C12orf54: variants seen among roughly 807,000 people sequenced by gnomAD.
C12orf54 encodes chromosome 12 open reading frame 54.
In C12orf54, 24 loss-of-function variants were observed where a neutral mutation model predicts 26.4. The observed-to-expected ratio is 0.91, with a 90% CI of 0.66 to 1.28. C12orf54 has a LOEUF of 1.28. Ranked by LOEUF, C12orf54 falls within the 50% of genes most tolerant of loss-of-function variation. The pLI is 0.00. For synonymous variants in C12orf54, 54 were observed against 47.0 expected, an observed-to-expected ratio of 1.15 and a Z score of -0.61; for missense variants, 154 against 150.9, an observed-to-expected ratio of 1.02 and a Z score of -0.11.
At chr12:48,493,712 T>TAATGAAAGTTAATTTTAAAAAAGAAAAAA (rs1937844843) in intron 7 of C12orf54, among the ~76,000 whole-genome samples, 1 of 149,770 alleles carries the variant, frequency 6.7e-6, no homozygotes, top group Non-Finnish European at 1.5e-5. Context: ...AAAAGAAAAT[T>TAATGAAAGTTAATTTTAAAAAAGAAAAAA]AACAAAAGTT....
chr12:48,433,825 C>A, the C12orf54 span, among the ~76,000 whole-genome samples: 1 of 152,162 alleles, frequency 6.6e-6, no homozygotes, highest in African/African-American at 2.4e-5. Context: ...GCCTACAGCT[C>A]CCAGCGTGAG....
chr12:48,415,023 C>T, the C12orf54 span, among the ~76,000 whole-genome samples: 1 of 152,166 alleles, frequency 6.6e-6, no homozygotes, highest in Admixed American at 6.5e-5. Context: ...AATACATGAG[C>T]CCCATTCAGC....
At chr12:48,447,480 T>C in the C12orf54 span, among the ~76,000 whole-genome samples, 1 of 152,224 alleles carries the variant, frequency 6.6e-6, no homozygotes, top group African/African-American at 2.4e-5. Flanking sequence ...AGATAGATTA[T>C]TCTGCTTCCT....
chr12:48,427,067 TTA>T, the C12orf54 span, among the ~76,000 whole-genome samples: 2 of 152,172 alleles, frequency 1.3e-5, no homozygotes, highest in African/African-American at 4.8e-5. Flanking sequence ...TGGATGCCCT[TTA>T]TTTCTTTCTC....
At chr12:48,462,202 T>G in the C12orf54 span, among the ~76,000 whole-genome samples, 1 of 151,602 alleles carries the variant, frequency 6.6e-6, no homozygotes, top group Admixed American at 6.6e-5. Flanking sequence ...CAAGAAGAAA[T>G]AGATAACTTG....
chr12:48,466,020 G>A, the C12orf54 span, among the ~76,000 whole-genome samples: 27 of 152,198 alleles, frequency 1.8e-4, no homozygotes, highest in Non-Finnish European at 2.9e-4. Context: ...AACACTTGGC[G>A]ACCTTGGGAT....
chr12:48,488,494 AAG>A (rs2137091071), intron 4 of C12orf54: 6 of 380,762 alleles, frequency 1.6e-5, no homozygotes, highest in Admixed American at 3.8e-5. Flanking sequence ...AAAAAAAAAA[AAG>A]AAAGAAAGAA....
the C12orf54 span, among the ~76,000 whole-genome samples, chr12:48,447,309 T>G: frequency 1.3e-5 from 2 of 151,892 alleles, no homozygotes; most frequent in East Asian, 3.9e-4. Flanking sequence ...GAAGTGGCTA[T>G]ACCTTGATCT....
chr12:48,473,096 T>A, the C12orf54 span: 1 of 1,613,678 alleles, frequency 6.2e-7, no homozygotes, highest in South Asian at 1.1e-5. Flanking sequence ...AACTCACATA[T>A]CTCAACGGCT....
chr12:48,478,675 G>C (rs1400267190), upstream of C12orf54, among the ~76,000 whole-genome samples: 1 of 152,002 alleles, frequency 6.6e-6, no homozygotes, highest in Non-Finnish European at 1.5e-5. Context: ...AAAATACCTA[G>C]GAATCCAACT....
chr12:48,415,577 T>C, the C12orf54 span, among the ~76,000 whole-genome samples: 1 of 152,204 alleles, frequency 6.6e-6, no homozygotes, highest in African/African-American at 2.4e-5. Context: ...TCCTCCTTGT[T>C]CAATGGCTGC....
chr12:48,443,536 C>G, the C12orf54 span, among the ~76,000 whole-genome samples: 1 of 152,230 alleles, frequency 6.6e-6, no homozygotes, highest in African/African-American at 2.4e-5. Flanking sequence ...GGGAAATAAT[C>G]AGAGAGAAGG....
At chr12:48,490,967 G>A (rs1245263945) in intron 6 of C12orf54, 131 bp downstream of exon 6, 1 of 1,144,550 alleles carries the variant, frequency 8.7e-7, no homozygotes, top group African/African-American at 1.5e-5. Flanking sequence ...TCATCCCAAA[G>A]TCTCACCCTA....
chr12:48,494,214 T>C (rs2705131), intron 7 of C12orf54, among the ~76,000 whole-genome samples: 30,662 of 151,630 alleles, frequency 0.2, 3,406 homozygotes, highest in South Asian at 0.3. Context: ...AGTGAAACTC[T>C]GTCTCAAAAA....
intron 7 of C12orf54, 49 bp downstream of exon 7, chr12:48,493,044 G>A: frequency 2.0e-6 from 3 of 1,509,042 alleles, no homozygotes; most frequent in Middle Eastern, 1.7e-4. Flanking sequence ...CACCCACCTG[G>A]ATATGGGTGT....
chr12:48,426,797 C>A, the C12orf54 span, among the ~76,000 whole-genome samples: 1 of 152,082 alleles, frequency 6.6e-6, no homozygotes, highest in Admixed American at 6.6e-5. Context: ...AGATCTTTCA[C>A]CTCCCTGGTT....
the C12orf54 span, chr12:48,473,302 G>A: frequency 8.8e-7 from 1 of 1,136,716 alleles, no homozygotes. Context: ...AAGGATGAAG[G>A]TTATAACAAT....
the C12orf54 span, among the ~76,000 whole-genome samples, chr12:48,439,888 A>T: frequency 1.3e-5 from 2 of 152,130 alleles, no homozygotes; most frequent in Non-Finnish European, 2.9e-5. Flanking sequence ...CCTAAAACTT[A>T]AAGTATGATA....
chr12:48,488,062 T>C, intron 4 of C12orf54: 1 of 967,672 alleles, frequency 1.0e-6, no homozygotes. Context: ...GACAAGAATG[T>C]GCCCATCCTT....
Sources: allele counts gnomAD v4.1 joint callset (sites outside exome capture counted in the v4.1 genomes callset), GRCh38; gene constraint gnomAD v4.1.1; transcripts MANE v1.5; gene names NCBI Gene and HGNC (gene_info 2026-07-23, HGNC 2026-07-21).